Variants in CABCOCO1 observed in about 807,000 individuals in gnomAD.
The protein encoded by CABCOCO1 is ciliary-associated calcium-binding coiled-coil protein 1.
A neutral mutation model predicts 35.7 loss-of-function variants in CABCOCO1; 28 were observed. That is an observed-to-expected ratio of 0.78 (90% CI 0.58 to 1.07). The LOEUF is 1.07. Among genes scored for constraint, CABCOCO1 ranks in the 50% least tolerant of loss-of-function variants. The pLI is 0.00. For synonymous variants in CABCOCO1, 95 were observed against 100.1 expected, an observed-to-expected ratio of 0.95 and a Z score of 0.30; for missense variants, 326 against 309.2, an observed-to-expected ratio of 1.05 and a Z score of -0.41.
intron 5 of CABCOCO1, among the ~76,000 whole-genome samples, chr10:61,733,039 A>T (rs868387302): frequency 1.3e-5 from 2 of 152,156 alleles, no homozygotes; most frequent in African/African-American, 4.8e-5. Flanking sequence ...ACTAAGATTT[A>T]TGTAACTATC....
intron 2 of CABCOCO1, among the ~76,000 whole-genome samples, chr10:61,680,475 T>TATATATAACATA (rs1212227035): frequency 5.8e-5 from 1 of 17,338 alleles, no homozygotes; most frequent in Non-Finnish European, 1.8e-4. Flanking sequence ...ATAATATATA[T>TATATATAACATA]TTATATATAT....
At chr10:61,669,945 T>C (rs1437356310) in intron 1 of CABCOCO1, among the ~76,000 whole-genome samples, 1 of 152,116 alleles carries the variant, frequency 6.6e-6, no homozygotes, top group African/African-American at 2.4e-5. Flanking sequence ...AAAATTTAGG[T>C]TCAAATGACT....
intron 5 of CABCOCO1, among the ~76,000 whole-genome samples, chr10:61,716,857 G>A (rs1840880789): frequency 6.6e-6 from 1 of 151,342 alleles, no homozygotes; most frequent in Non-Finnish European, 1.5e-5. Context: ...TTTCTAATAG[G>A]TCAATACTAG....
At chr10:61,730,324 C>T (rs1391895420) in intron 5 of CABCOCO1, among the ~76,000 whole-genome samples, 6 of 152,058 alleles carry the variant, frequency 3.9e-5, no homozygotes, top group African/African-American at 1.2e-4. Context: ...GAAGGGACTC[C>T]TCCTAGCCAA....
chr10:61,697,287 A>G (rs1442317201), intron 5 of CABCOCO1, among the ~76,000 whole-genome samples: 1 of 152,142 alleles, frequency 6.6e-6, no homozygotes, highest in Non-Finnish European at 1.5e-5. Flanking sequence ...GAAGTACTCA[A>G]TAAATACTTG....
At chr10:61,729,481 T>A (rs954800775) in intron 5 of CABCOCO1, among the ~76,000 whole-genome samples, 2 of 152,140 alleles carry the variant, frequency 1.3e-5, no homozygotes, top group Admixed American at 6.5e-5. Flanking sequence ...AAGGTGAAGA[T>A]GTGGAGAAAT....
At chr10:61,721,893 T>G (rs1308559534) in intron 5 of CABCOCO1, among the ~76,000 whole-genome samples, 1 of 152,196 alleles carries the variant, frequency 6.6e-6, no homozygotes, top group African/African-American at 2.4e-5. Flanking sequence ...AGAAAGATGT[T>G]GAACGTAATT....
chr10:61,726,524 GT>G (rs200175551), intron 5 of CABCOCO1, among the ~76,000 whole-genome samples: 2,137 of 150,906 alleles, frequency 0.014, 43 homozygotes, highest in African/African-American at 0.049. Flanking sequence ...GTGATTTTTA[GT>G]TTTTTTTTAA....
At chr10:61,690,023 A>C (rs1006972212) in intron 4 of CABCOCO1, among the ~76,000 whole-genome samples, 1 of 151,990 alleles carries the variant, frequency 6.6e-6, no homozygotes, top group Non-Finnish European at 1.5e-5. Context: ...AAACTCAGAC[A>C]TTTTCTAAAT....
chr10:61,753,366 A>C (rs2132083350), intron 5 of CABCOCO1, among the ~76,000 whole-genome samples: 1 of 152,238 alleles, frequency 6.6e-6, no homozygotes, highest in South Asian at 2.1e-4. Flanking sequence ...AAAAGCATTC[A>C]ATTTTTTTAA....
At chr10:61,678,161 T>C (rs1358961218) in intron 2 of CABCOCO1, among the ~76,000 whole-genome samples, 1 of 152,112 alleles carries the variant, frequency 6.6e-6, no homozygotes, top group Non-Finnish European at 1.5e-5. Context: ...CCTCTACTGA[T>C]TTGGAATAAT....
chr10:61,666,929 A>ATATAAATATAATTATATATATG (rs1564527290), intron 1 of CABCOCO1, among the ~76,000 whole-genome samples: 2 of 125,508 alleles, frequency 1.6e-5, no homozygotes, highest in South Asian at 4.7e-4. Context: ...CATATATTAT[A>ATATAAATATAATTATATATATG]TATAAATATA....
chr10:61,689,891 C>T (rs910064755), intron 4 of CABCOCO1, among the ~76,000 whole-genome samples: 2 of 152,090 alleles, frequency 1.3e-5, no homozygotes, highest in Non-Finnish European at 2.9e-5. Context: ...TTAAGGACCT[C>T]CTATCCTTTG....
At chr10:61,669,320 G>A (rs764822854) in intron 1 of CABCOCO1, among the ~76,000 whole-genome samples, 5 of 151,898 alleles carry the variant, frequency 3.3e-5, no homozygotes, top group Non-Finnish European at 7.4e-5. Flanking sequence ...CAGTTTTATT[G>A]CTCTTGGAAT....
At chr10:61,666,528 T>G (rs151264829) in intron 1 of CABCOCO1, among the ~76,000 whole-genome samples, 1 of 152,326 alleles carries the variant, frequency 6.6e-6, no homozygotes, top group Admixed American at 6.5e-5. Flanking sequence ...GACAAACACT[T>G]AGGCTTGTCA....
At chr10:61,667,993 T>C (rs1378852977) in intron 1 of CABCOCO1, among the ~76,000 whole-genome samples, 1 of 151,988 alleles carries the variant, frequency 6.6e-6, no homozygotes, top group Non-Finnish European at 1.5e-5. Flanking sequence ...ATGCTTGCAA[T>C]ATGATTTTGG....
chr10:61,712,547 G>A (rs1348044403), intron 5 of CABCOCO1, among the ~76,000 whole-genome samples: 2 of 152,118 alleles, frequency 1.3e-5, no homozygotes, highest in Non-Finnish European at 2.9e-5. Context: ...TGTTGCCATT[G>A]CTTTTGGTGT....
In CABCOCO1 at chr10:61,681,294, T is replaced by C. The variant is rs1333054602; in HGVS notation, c.316T>C (p.Ser106Pro). The C allele has an allele frequency of 6.4e-7, 1 of 1,557,464 alleles. No individual in the cohort carries two copies. Among genetic ancestry groups the C allele is most frequent in the Non-Finnish European group, 8.8e-7 (1 of 1,140,312 alleles). ...AAAATTTATGACTTTACTAGCTATG[T>C]CACTTCAAAATCTTAAAAGTAAGTA... Reference protein sequence around the residue: ...YSKFMTLLAMSLQNLKTLHMS... With the variant: ...YSKFMTLLAMPLQNLKTLHMS... The change falls in exon 3 of 8, where the codon TCA becomes CCA. Residue 106 changes from serine to proline, a missense_variant. By Grantham distance (74) the Ser-to-Pro change is moderately conservative. Coordinates refer to ENST00000648843, the MANE Select transcript of CABCOCO1 (RefSeq NM_001366906.2).
intron 5 of CABCOCO1, among the ~76,000 whole-genome samples, chr10:61,733,743 T>A (rs1841355381): frequency 6.6e-6 from 1 of 152,106 alleles, no homozygotes; most frequent in African/African-American, 2.4e-5. Flanking sequence ...AAACCGAGAC[T>A]TGTCAGCATT....
Sources: allele counts gnomAD v4.1 joint callset (sites outside exome capture counted in the v4.1 genomes callset), GRCh38; gene constraint gnomAD v4.1.1; transcripts MANE v1.5; gene names NCBI Gene and HGNC (gene_info 2026-07-23, HGNC 2026-07-21).